DACH1: variants seen among roughly 807,000 people sequenced by gnomAD.
The protein encoded by DACH1 is dachshund homolog 1.
A neutral mutation model predicts 54.2 loss-of-function variants in DACH1; 12 were observed. The observed-to-expected ratio is 0.22, with a 90% CI of 0.14 to 0.36. The LOEUF (loss-of-function observed/expected upper bound fraction) is 0.36. Ranked by LOEUF, DACH1 falls within the 10% of genes least tolerant of loss-of-function variation. DACH1 has a pLI of 1.00. For synonymous variants in DACH1, 386 were observed against 366.2 expected (o/e 1.05, Z -0.62); for missense variants, 805 against 929.8 (o/e 0.87, Z 1.75).
chr13:71,686,238 C>A (rs890835169), intron 1 of DACH1, among the ~76,000 whole-genome samples: 19 of 152,182 alleles, frequency 1.2e-4, no homozygotes, highest in Non-Finnish European at 2.6e-4. Context: ...TATTTTCAAA[C>A]ATCTGCATTA....
chr13:71,783,739 G>C (rs1212866177), intron 1 of DACH1, among the ~76,000 whole-genome samples: 3 of 151,808 alleles, frequency 2.0e-5, no homozygotes, highest in Non-Finnish European at 4.4e-5. Context: ...AGAGTGACTG[G>C]GCAGGGAGAG....
chr13:71,496,763 A>G (rs1196968952), intron 6 of DACH1, among the ~76,000 whole-genome samples: 1 of 152,232 alleles, frequency 6.6e-6, no homozygotes, highest in Non-Finnish European at 1.5e-5. Flanking sequence ...TTCTACCTCC[A>G]TCTTCTCAGA....
At chr13:71,646,286 G>A (rs887414255) in intron 2 of DACH1, among the ~76,000 whole-genome samples, 4 of 150,770 alleles carry the variant, frequency 2.7e-5, no homozygotes, top group Middle Eastern at 3.4e-3. Flanking sequence ...GCAGTGAGCC[G>A]AGACTGCGCC....
intron 6 of DACH1, among the ~76,000 whole-genome samples, chr13:71,526,370 T>C (rs975186865): frequency 3.9e-5 from 6 of 152,112 alleles, no homozygotes; most frequent in Non-Finnish European, 7.4e-5. Flanking sequence ...GCAGTTCCAT[T>C]TTCTTATCAT....
chr13:71,600,225 C>A (rs1278151620), intron 3 of DACH1, among the ~76,000 whole-genome samples: 1 of 152,036 alleles, frequency 6.6e-6, no homozygotes, highest in Non-Finnish European at 1.5e-5. Context: ...CAGTAGCTTG[C>A]CCAAGGCAAG....
rs398023338 is a variant in DACH1, at chr13:71,692,506, C to CTTTTTTTTTTTTTTTTTTTTTTTTTT, written c.849-10622_849-10597dup. Among the ~76,000 whole-genome samples, 9 of 44,438 alleles carry CTTTTTTTTTTTTTTTTTTTTTTTTTT rather than the reference C, an allele frequency of 2.0e-4. 2 individuals carry two copies. Among genetic ancestry groups the CTTTTTTTTTTTTTTTTTTTTTTTTTT allele is most frequent in the East Asian group, 2.4e-3 (2 of 826 alleles). 29.2% of individuals were successfully genotyped at this position (44,438 alleles called of 152,430 possible). ...CCTTTCTTTTTCTTTCTTTTCTTTCCTTTTTTTTTTTTTTTTTTTTTTTTT... is the reference window on the plus strand; with the variant it reads ...CCTTTCTTTTTCTTTCTTTTCTTTCCTTTTTTTTTTTTTTTTTTTTTTTTTTTTTTTTTTTTTTTTTTTTTTTTTTT... On this transcript the variant is annotated intron_variant, in intron 1 of 10. Coordinates refer to ENST00000613252, the MANE Select transcript of DACH1 (RefSeq NM_080759.6).
chr13:71,472,312 T>C (rs1036506241), intron 10 of DACH1, among the ~76,000 whole-genome samples: 1 of 152,226 alleles, frequency 6.6e-6, no homozygotes, highest in Non-Finnish European at 1.5e-5. Flanking sequence ...CTTTCTAAAC[T>C]ACTTTCTTGA....
chr13:71,552,643 A>G (rs762668372), intron 6 of DACH1, among the ~76,000 whole-genome samples: 16 of 150,808 alleles, frequency 1.1e-4, no homozygotes, highest in Admixed American at 5.3e-4. Context: ...TATACCACAA[A>G]TGTCAATTAT....
intron 1 of DACH1, among the ~76,000 whole-genome samples, chr13:71,849,691 A>C (rs1196296801): frequency 6.6e-6 from 1 of 152,196 alleles, no homozygotes; most frequent in African/African-American, 2.4e-5. Flanking sequence ...CTAAGACCAG[A>C]GCTGCTGTGC....
intron 1 of DACH1, among the ~76,000 whole-genome samples, chr13:71,768,000 G>A (rs531491708): frequency 2.6e-5 from 4 of 151,912 alleles, no homozygotes; most frequent in South Asian, 2.1e-4. Context: ...TAATTTTTAC[G>A]TATTGAATTC....
intron 1 of DACH1, among the ~76,000 whole-genome samples, chr13:71,731,246 T>TAAG (rs1883727185): frequency 6.6e-6 from 1 of 151,782 alleles, no homozygotes; most frequent in Non-Finnish European, 1.5e-5. Flanking sequence ...AAGGTGATTT[T>TAAG]AAGCAAGCCA....
intron 2 of DACH1, among the ~76,000 whole-genome samples, chr13:71,642,200 T>C (rs940765820): frequency 6.6e-6 from 1 of 152,204 alleles, no homozygotes; most frequent in African/African-American, 2.4e-5. Context: ...TACCATGAGA[T>C]TCTATTAAAA....
chr13:71,547,342 T>A lies in DACH1; in HGVS notation c.1570+9682A>T, dbSNP rs74095972. The stretch of plus-strand genomic sequence containing the variant: ...CCTTAACAGTAAATTAGGAATGTAA[T>A]ATCTAAATAATAATTGGGATGGCAT... On this transcript the variant is annotated intron_variant, in intron 6 of 10. Transcript: ENST00000613252. Among the ~76,000 whole-genome samples the A allele has an allele frequency of 7.5e-3, 1,148 of 152,208 alleles. 14 individuals carry two copies. Among genetic ancestry groups the A allele is most frequent in the African/African-American group, 0.025 (1,027 of 41,568 alleles).
intron 10 of DACH1, among the ~76,000 whole-genome samples, chr13:71,451,638 C>A (rs1400800552): frequency 1.3e-5 from 2 of 151,894 alleles, no homozygotes; most frequent in Admixed American, 1.3e-4. Context: ...CTGTATTTTT[C>A]AAAAATGTCA....
At chr13:71,444,670 G>A (rs949088226) in intron 10 of DACH1, among the ~76,000 whole-genome samples, 7 of 151,890 alleles carry the variant, frequency 4.6e-5, no homozygotes, top group African/African-American at 1.5e-4. Context: ...GAATCCAGGA[G>A]CAAAAAAATG....
Position 71,457,785 on chromosome 13 carries a change from T to C in DACH1, c.2084-17093A>G, listed in dbSNP as rs866303352. On this transcript the variant is annotated intron_variant, in intron 10 of 10. Coordinates refer to ENST00000613252, the MANE Select transcript of DACH1 (RefSeq NM_080759.6). ...GATTCTATATTTTCAATATAAGAGA[T>C]TTTTGTCAGCTTCAATTATGTCCAA... Among the ~76,000 whole-genome samples the C allele has an allele frequency of 4.3e-4, 65 of 152,026 alleles. 1 individual carries two copies. Among genetic ancestry groups the C allele is most frequent in the African/African-American group, 1.5e-3 (62 of 41,532 alleles).
At chr13:71,677,502 T>C (rs1880647015) in intron 2 of DACH1, among the ~76,000 whole-genome samples, 1 of 152,130 alleles carries the variant, frequency 6.6e-6, no homozygotes, top group Non-Finnish European at 1.5e-5. Flanking sequence ...AAGTTTGTTG[T>C]TTTGTTTTGT....
chr13:71,582,539 A>T (rs968834869), intron 3 of DACH1, among the ~76,000 whole-genome samples: 1 of 152,172 alleles, frequency 6.6e-6, no homozygotes, highest in Admixed American at 6.5e-5. Flanking sequence ...TATGATAATC[A>T]GTTAGGATAT....
At chr13:71,704,233 C>A (rs1882313058) in intron 1 of DACH1, 2 of 256,142 alleles carry the variant, frequency 7.8e-6, no homozygotes, top group African/African-American at 2.3e-5. Context: ...TTCTCTAGGC[C>A]TTTGAGACAA....
Sources: gnomAD v4.1 joint callset for allele counts (sites outside exome capture counted in the v4.1 genomes callset) on GRCh38, gnomAD v4.1.1 for gene constraint, MANE v1.5 for transcripts, NCBI Gene and HGNC (gene_info 2026-07-23, HGNC 2026-07-21) for gene names.